Variants in CAMK1D observed in about 807,000 individuals in gnomAD.
CAMK1D encodes the protein calcium/calmodulin-dependent protein kinase type 1D.
CAMK1D carries 9 observed loss-of-function variants against 47.7 expected under a neutral mutation model. That is an observed-to-expected ratio of 0.19 (90% CI 0.11 to 0.33). The LOEUF (loss-of-function observed/expected upper bound fraction) is 0.33, where lower values mean the gene tolerates loss of function less well. Ranked by LOEUF, CAMK1D falls within the 10% of genes least tolerant of loss-of-function variation. The pLI, the probability that CAMK1D is intolerant of heterozygous loss-of-function variation, is 1.00. For synonymous variants in CAMK1D, 184 were observed against 184.9 expected, an observed-to-expected ratio of 0.99 and a Z score of 0.04; for missense variants, 291 against 488.7, an observed-to-expected ratio of 0.60 and a Z score of 3.81.
At chr10:12,627,185 C>A (rs1839244384) in intron 2 of CAMK1D, among the ~76,000 whole-genome samples, 1 of 150,962 alleles carries the variant, frequency 6.6e-6, no homozygotes, top group Admixed American at 6.6e-5. Context: ...GGGTTCACAC[C>A]ATTCTCCTGC....
intron 3 of CAMK1D, among the ~76,000 whole-genome samples, chr10:12,753,375 T>C (rs1461965914): frequency 6.6e-6 from 1 of 152,350 alleles, no homozygotes; most frequent in East Asian, 1.9e-4. Context: ...GGTCACTAGC[T>C]GGGGCTATGC....
chr10:12,674,046 A>G lies in CAMK1D; in HGVS notation c.299+7236A>G, dbSNP rs565212187. Among the ~76,000 whole-genome samples the G allele has an allele frequency of 4.6e-5, 7 of 152,158 alleles. No homozygotes were observed. In the South Asian group the frequency reaches 8.3e-4, roughly 18 times the overall value. On this transcript the variant is annotated intron_variant, in intron 3 of 10. Coordinates refer to ENST00000619168, the MANE Select transcript of CAMK1D (RefSeq NM_153498.4). ...CTGCAGCCTCCAACTCCTGGGCTCA[A>G]GCGATTCTTCCACCTTAGCATCCTG...
intron 3 of CAMK1D, among the ~76,000 whole-genome samples, chr10:12,719,785 A>G (rs574879826): frequency 6.6e-6 from 1 of 152,324 alleles, no homozygotes; most frequent in Non-Finnish European, 1.5e-5. Flanking sequence ...CCCAGGATGA[A>G]ACCTATGGAT....
intron 1 of CAMK1D, among the ~76,000 whole-genome samples, chr10:12,512,224 C>T (rs968926146): frequency 2.0e-5 from 3 of 152,190 alleles, no homozygotes; most frequent in Admixed American, 6.5e-5. Flanking sequence ...TATAAAACCC[C>T]TTCCAAAAGA....
At chr10:12,432,380 G>T (rs1307550429) in intron 1 of CAMK1D, among the ~76,000 whole-genome samples, 1 of 152,184 alleles carries the variant, frequency 6.6e-6, no homozygotes, top group African/African-American at 2.4e-5. Flanking sequence ...TCCAGCTGGG[G>T]CCTGGTTTGA....
At chr10:12,698,252 C>A (rs576050443) in intron 3 of CAMK1D, among the ~76,000 whole-genome samples, 3 of 152,320 alleles carry the variant, frequency 2.0e-5, no homozygotes, top group African/African-American at 7.2e-5. Context: ...AAAATAGCCT[C>A]ATCCTCAGGA....
chr10:12,470,598 C>T (rs919575425), intron 1 of CAMK1D, among the ~76,000 whole-genome samples: 3 of 151,948 alleles, frequency 2.0e-5, no homozygotes, highest in Non-Finnish European at 4.4e-5. Flanking sequence ...CTCACTGCAA[C>T]CTCTGCCTCC....
At chr10:12,708,364 A>T (rs1341993023) in intron 3 of CAMK1D, among the ~76,000 whole-genome samples, 4 of 152,130 alleles carry the variant, frequency 2.6e-5, no homozygotes, top group Non-Finnish European at 5.9e-5. Flanking sequence ...AGAAGAAGGA[A>T]GCGCCGTAAC....
chr10:12,617,596 T>C (rs1410861289), intron 2 of CAMK1D, among the ~76,000 whole-genome samples: 1 of 152,104 alleles, frequency 6.6e-6, no homozygotes, highest in Admixed American at 6.6e-5. Context: ...AGAGAAGTAA[T>C]TTTCTGTCCC....
chr10:12,790,094 C>A (rs1419557960), intron 5 of CAMK1D, among the ~76,000 whole-genome samples: 1 of 152,194 alleles, frequency 6.6e-6, no homozygotes, highest in Non-Finnish European at 1.5e-5. Context: ...AAAAGAGAAT[C>A]AGTATAGAAC....
intron 3 of CAMK1D, among the ~76,000 whole-genome samples, chr10:12,696,478 A>C (rs979178740): frequency 1.3e-5 from 2 of 152,222 alleles, no homozygotes; most frequent in East Asian, 3.9e-4. Context: ...CCGAGGTTGC[A>C]GTGAGCCTAT....
chr10:12,537,465 T>C (rs1478115623), intron 1 of CAMK1D, among the ~76,000 whole-genome samples: 1 of 152,242 alleles, frequency 6.6e-6, no homozygotes, highest in East Asian at 1.9e-4. Flanking sequence ...AATTTATACT[T>C]AGCAACTCTC....
chr10:12,420,697 G>C (rs1185964157), intron 1 of CAMK1D, among the ~76,000 whole-genome samples: 1 of 152,136 alleles, frequency 6.6e-6, no homozygotes, highest in African/African-American at 2.4e-5. Flanking sequence ...AGGAGAAAAC[G>C]AAGTATATTA....
intron 2 of CAMK1D, among the ~76,000 whole-genome samples, chr10:12,622,452 G>T (rs1839028180): frequency 6.6e-6 from 1 of 152,050 alleles, no homozygotes. Flanking sequence ...CTCAGTGCCA[G>T]GTTCTTCTTT....
intron 1 of CAMK1D, among the ~76,000 whole-genome samples, chr10:12,415,727 G>T (rs917147935): frequency 6.6e-6 from 1 of 150,710 alleles, no homozygotes; most frequent in Non-Finnish European, 1.5e-5. Flanking sequence ...ACTTCCCTAC[G>T]GAAGTGGATT....
chr10:12,782,119 G>T (rs935932947), intron 5 of CAMK1D, among the ~76,000 whole-genome samples: 2 of 151,982 alleles, frequency 1.3e-5, no homozygotes, highest in Non-Finnish European at 2.9e-5. Flanking sequence ...AAAGCCTTCT[G>T]CTCTTCTTCT....
At chr10:12,582,759 G>T (rs945765867) in intron 2 of CAMK1D, among the ~76,000 whole-genome samples, 2 of 152,104 alleles carry the variant, frequency 1.3e-5, no homozygotes, top group Admixed American at 1.3e-4. Flanking sequence ...TATCAGAAGT[G>T]TGCTTTTTAA....
chr10:12,475,295 C>T (rs1165217816), intron 1 of CAMK1D, among the ~76,000 whole-genome samples: 1 of 152,236 alleles, frequency 6.6e-6, no homozygotes, highest in African/African-American at 2.4e-5. Flanking sequence ...CCTCCTCTCC[C>T]CAGCACCTGG....
intron 3 of CAMK1D, among the ~76,000 whole-genome samples, chr10:12,683,058 A>G (rs1832508469): frequency 6.7e-6 from 1 of 150,290 alleles, no homozygotes. Flanking sequence ...AGTAGCTGGG[A>G]TTACAGGTGC....
Sources: gnomAD v4.1 joint callset for allele counts (sites outside exome capture counted in the v4.1 genomes callset) on GRCh38, gnomAD v4.1.1 for gene constraint, MANE v1.5 for transcripts, NCBI Gene and HGNC (gene_info 2026-07-23, HGNC 2026-07-21) for gene names.